The following DNAH5 variants were observed in gnomAD, a reference collection of about 807,000 sequenced individuals.
The protein encoded by DNAH5 is dynein axonemal heavy chain 5.
Under a neutral mutation model 518.2 loss-of-function variants are expected in DNAH5, and 372 were observed. The observed-to-expected ratio is 0.72, with a 90% CI of 0.66 to 0.78. The LOEUF (loss-of-function observed/expected upper bound fraction) is 0.78, where lower values mean the gene tolerates loss of function less well. Ranked by LOEUF, DNAH5 falls within the 30% of genes least tolerant of loss-of-function variation. The pLI, the probability that DNAH5 is intolerant of heterozygous loss-of-function variation, is 0.00. For missense variants in DNAH5, 5,523 were observed against 5,687.0 expected (o/e 0.97, Z 0.93); for synonymous variants, 2,039 against 2,025.9 (o/e 1.01, Z -0.17).
At chr5:14,005,943 T>G (rs148932261) in intron 1 of DNAH5, among the ~76,000 whole-genome samples, 8 of 152,314 alleles carry the variant, frequency 5.3e-5, no homozygotes, top group African/African-American at 1.7e-4. Context: ...GGACTCAGCC[T>G]CTTGGGGATC....
At chr5:13,882,842 T>C (rs1291015030) in intron 20 of DNAH5, 27 bp from the exon 21 acceptor site, 1 of 1,613,682 alleles carries the variant, frequency 6.2e-7, no homozygotes, top group Admixed American at 1.7e-5. Context: ...TATTTTTCAG[T>C]TCTGTCCTAT....
At chr5:13,985,445 ATATATATATATAT>A (rs1782985607) in intron 1 of DNAH5, among the ~76,000 whole-genome samples, 1 of 131,906 alleles carries the variant, frequency 7.6e-6, no homozygotes, top group South Asian at 2.2e-4. Context: ...ATATATATAT[ATATATATATATAT>A]ATATATATAA....
intron 17 of DNAH5, among the ~76,000 whole-genome samples, chr5:13,888,161 C>T (rs564997738): frequency 1.4e-4 from 22 of 152,304 alleles, no homozygotes; most frequent in Admixed American, 6.5e-4. Flanking sequence ...TTGGTGAATG[C>T]AATCATTCTC....
intron 70 of DNAH5, among the ~76,000 whole-genome samples, chr5:13,724,821 C>G (rs1218681047): frequency 1.3e-5 from 2 of 152,216 alleles, no homozygotes; most frequent in Non-Finnish European, 1.5e-5. Context: ...TCCTCCTTCA[C>G]CTTCTGCCAT....
chr5:13,754,157 C>T (rs1750661454), intron 62 of DNAH5, 46 bp downstream of exon 62: 3 of 1,611,592 alleles, frequency 1.9e-6, no homozygotes, highest in East Asian at 4.5e-5. Context: ...TTCGAATTCC[C>T]TATCACAGTC....
intron 1 of DNAH5, among the ~76,000 whole-genome samples, chr5:13,993,113 C>A (rs898178323): frequency 6.6e-6 from 1 of 152,208 alleles, no homozygotes; most frequent in Non-Finnish European, 1.5e-5. Context: ...AATGAAGAGG[C>A]AATGGGTGTC....
chr5:13,890,706 TA>T (rs1318877444), intron 17 of DNAH5, among the ~76,000 whole-genome samples: 1 of 152,166 alleles, frequency 6.6e-6, no homozygotes, highest in Non-Finnish European at 1.5e-5. Flanking sequence ...TATCCTTCAT[TA>T]AAAAATGGAA....
intron 1 of DNAH5, among the ~76,000 whole-genome samples, chr5:13,992,880 T>C (rs1783656229): frequency 6.6e-6 from 1 of 152,224 alleles, no homozygotes; most frequent in Non-Finnish European, 1.5e-5. Flanking sequence ...AATCAGCCTC[T>C]CCCCTCTTAA....
Position 13,707,470 on chromosome 5 carries a change from A to G in DNAH5, c.13338+653T>C, listed in dbSNP as rs927288320. On this transcript the variant is annotated intron_variant, in intron 76 of 78. Coordinates refer to ENST00000265104, the MANE Select transcript of DNAH5 (RefSeq NM_001369.3). This position sits in a 1 kb window ranked among gnomAD's most constrained non-coding sequence, Gnocchi z 4.0. Reference sequence around the variant, plus strand: ...GCAGATGGCAAAACTGAAAGAGTACACTGTAACACATGCCCATTCGGGAGC... The same window carrying G: ...GCAGATGGCAAAACTGAAAGAGTACGCTGTAACACATGCCCATTCGGGAGC... Among the ~76,000 whole-genome samples the G allele has an allele frequency of 6.6e-6, 1 of 152,166 alleles. No individual in the cohort carries two copies. Among genetic ancestry groups the G allele is most frequent in the African/African-American group, 2.4e-5 (1 of 41,440 alleles).
At chr5:13,995,318 T>C (rs1447950108) in intron 1 of DNAH5, among the ~76,000 whole-genome samples, 1 of 152,168 alleles carries the variant, frequency 6.6e-6, no homozygotes, top group Non-Finnish European at 1.5e-5. Context: ...GCCCTCAGGA[T>C]AATTGTGACA....
chr5:13,771,014 T>C lies in DNAH5; in HGVS notation c.9374-34A>G, dbSNP rs773297017. On this transcript the variant is annotated intron_variant, in intron 55 of 78. Transcript: ENST00000265104. Reference sequence around the variant, plus strand: ...AATAAAGATGACAGTGTGTGAAATATGTATGTAAGTTACCCTTTTAAAAGT... The same window carrying C: ...AATAAAGATGACAGTGTGTGAAATACGTATGTAAGTTACCCTTTTAAAAGT... The C allele has an allele frequency of 4.0e-6, 6 of 1,504,288 alleles. No individual in the cohort carries two copies. In the South Asian group the frequency reaches 4.5e-5, roughly 11 times the overall value. The allele number at this position is 1,504,288 out of a possible 1,614,324, so 93.2% of individuals were successfully genotyped here. A position where few individuals can be genotyped will look rare whatever the true frequency, so the allele number is the denominator to read the frequency against.
Position 13,780,814 on chromosome 5 carries a change from G to A in DNAH5, c.8951+15C>T, listed in dbSNP as rs1489109181. The A allele has an allele frequency of 1.9e-6, 3 of 1,613,036 alleles. No individual in the cohort carries two copies. Among genetic ancestry groups the A allele is most frequent in the Admixed American group, 3.3e-5 (2 of 59,954 alleles). Reference sequence around the variant, plus strand: ...CAAAATCCATGTTAGGTTTGTTAAAGTAAAAGGTTGTCACCTCGTCAGAGT... The same window carrying A: ...CAAAATCCATGTTAGGTTTGTTAAAATAAAAGGTTGTCACCTCGTCAGAGT... On this transcript the variant is annotated intron_variant, in intron 53 of 78. Transcript: ENST00000265104.
intron 40 of DNAH5, among the ~76,000 whole-genome samples, chr5:13,821,291 C>T (rs1275746776): frequency 6.6e-6 from 1 of 152,148 alleles, no homozygotes; most frequent in Non-Finnish European, 1.5e-5. Context: ...AAAGGTAATA[C>T]TTACAACTAG....
intron 1 of DNAH5, among the ~76,000 whole-genome samples, chr5:13,953,742 C>T (rs1207674578): frequency 6.6e-6 from 1 of 152,138 alleles, no homozygotes; most frequent in African/African-American, 2.4e-5. Flanking sequence ...GGGTCTTGCT[C>T]TGTCACCCAG....
intron 30 of DNAH5, among the ~76,000 whole-genome samples, chr5:13,854,017 A>G (rs552607948): frequency 6.6e-6 from 1 of 152,344 alleles, no homozygotes; most frequent in African/African-American, 2.4e-5. Context: ...CAGGAAATAC[A>G]GAGAACACCA....
intron 51 of DNAH5, 94 bp from the exon 52 acceptor site, chr5:13,786,445 C>G (rs1361538980): frequency 8.1e-7 from 1 of 1,232,772 alleles, no homozygotes; most frequent in East Asian, 2.4e-5. Context: ...CAACCTAACA[C>G]TGAATAACAT....
At position 13,916,388 on chromosome 5, in the gene DNAH5, T is replaced by C. The variant is rs368471104; in HGVS notation, c.1157A>G (p.Tyr386Cys). ...TGTGATCTTCTCAGAGGTATTATAG[T>C]AATGAGAGATACTATAGATCATTTT... Reference protein sequence around the residue: ...AIKMIYSISHYYNTSEKITSL... With the variant: ...AIKMIYSISHCYNTSEKITSL... The change falls in exon 9 of 79, where the codon TAC (tyrosine) becomes TGC (cysteine). Residue 386 changes from tyrosine to cysteine, a missense_variant. This residue lies in a region of DNAH5 where 5,121 missense variants were observed against 5,223.3 expected (regional missense o/e 0.98). Transcript: ENST00000265104. The C allele has an allele frequency of 4.6e-6, 7 of 1,535,722 alleles. No individual in the cohort carries two copies. The highest frequency in any genetic ancestry group is 1.7e-5 in the Admixed American group (1 of 59,648).
intron 1 of DNAH5, among the ~76,000 whole-genome samples, chr5:13,949,757 G>A (rs939828094): frequency 3.9e-5 from 6 of 152,204 alleles, no homozygotes; most frequent in South Asian, 2.1e-4. Context: ...GGGCACTAAC[G>A]GAGGGATACA....
chr5:13,829,841 TA>T (rs1191583214), intron 37 of DNAH5, 137 bp from the exon 38 acceptor site: 1 of 1,119,600 alleles, frequency 8.9e-7, no homozygotes, highest in Non-Finnish European at 1.3e-6. Context: ...AATCTCGTTT[TA>T]CCTGGACAGG....
Sources: allele counts gnomAD v4.1 joint callset (sites outside exome capture counted in the v4.1 genomes callset), GRCh38; gene constraint gnomAD v4.1.1; regional missense constraint gnomAD v4.1.1; non-coding constraint Gnocchi (gnomAD v3.1); transcripts MANE v1.5; gene names NCBI Gene and HGNC (gene_info 2026-07-23, HGNC 2026-07-21).